PPP4R4: variants seen among roughly 807,000 people sequenced by gnomAD.
PPP4R4 encodes the protein serine/threonine-protein phosphatase 4 regulatory subunit 4.
A neutral mutation model predicts 121.8 loss-of-function variants in PPP4R4; 70 were observed. That is an observed-to-expected ratio of 0.57 (90% CI 0.47 to 0.70). The LOEUF (loss-of-function observed/expected upper bound fraction) is 0.70. Ranked by LOEUF, PPP4R4 falls within the 30% of genes least tolerant of loss-of-function variation. The pLI, the probability that PPP4R4 is intolerant of heterozygous loss-of-function variation, is 0.00. For missense variants in PPP4R4, 875 were observed against 1,033.6 expected (o/e 0.85, Z 2.10); for synonymous variants, 348 against 355.7 (o/e 0.98, Z 0.24).
intron 23 of PPP4R4, among the ~76,000 whole-genome samples, chr14:94,271,294 A>G (rs181127116): frequency 1.3e-5 from 2 of 152,328 alleles, no homozygotes; most frequent in African/African-American, 4.8e-5. Flanking sequence ...ATCCAACAAT[A>G]TATAAAAAGA....
chr14:94,196,402 C>T lies in PPP4R4; in HGVS notation c.192-12062C>T, dbSNP rs561655013. 3.0e-3 allele frequency among the ~76,000 whole-genome samples: 455 copies of T among 150,422 alleles called. 2 individuals carry two copies. The highest frequency in any genetic ancestry group is 0.011 in the African/African-American group (434 of 40,964). On this transcript the variant is annotated intron_variant, in intron 2 of 24. Transcript: ENST00000304338. ...ATCTTGGCTCACTGCAACCTCCACC[C>T]GCCAGGTTCAAGTGATTCCTCCTGC...
chr14:94,215,072 TG>T lies in PPP4R4; in HGVS notation c.294+6508del, dbSNP rs1446916272. 2.0e-5 allele frequency among the ~76,000 whole-genome samples: 3 copies of T among 152,308 alleles called. No individual in the cohort carries two copies. In the East Asian group the frequency reaches 5.8e-4, roughly 29 times the overall value. ...AAACATTCAAAATCTGAAACACTTC[TG>T]GTTACAAGCATTTGGGATAAGGGAT... On this transcript the variant is annotated intron_variant, in intron 3 of 24. Transcript: ENST00000304338.
intron 3 of PPP4R4, among the ~76,000 whole-genome samples, chr14:94,215,524 A>G (rs75066748): frequency 0.019 from 2,922 of 152,300 alleles, 92 homozygotes; most frequent in African/African-American, 0.066. Flanking sequence ...TTCTTTAGAC[A>G]GGCTAAACAT....
At chr14:94,205,392 G>A (rs1365620994) in intron 2 of PPP4R4, among the ~76,000 whole-genome samples, 8 of 151,876 alleles carry the variant, frequency 5.3e-5, no homozygotes, top group Non-Finnish European at 8.8e-5. Flanking sequence ...GATACCTACC[G>A]TTTCAATCCT....
rs563814872 is a variant in PPP4R4, at chr14:94,212,051, A to C, written c.294+3485A>C. On this transcript the variant is annotated intron_variant, in intron 3 of 24. Coordinates refer to ENST00000304338, the MANE Select transcript of PPP4R4 (RefSeq NM_058237.2). ...TTTATGCAAGAAGTTAATCAATACCAAGATTTTTACCACATTTATAACAGT... is the reference window on the plus strand; with the variant it reads ...TTTATGCAAGAAGTTAATCAATACCCAGATTTTTACCACATTTATAACAGT... Among the ~76,000 whole-genome samples the C allele has an allele frequency of 6.5e-4, 99 of 152,350 alleles. 1 individual carries two copies. The highest frequency in any genetic ancestry group is 5.8e-4 in the East Asian group (3 of 5,196).
Position 94,233,696 on chromosome 14 carries a change from T to C in PPP4R4, c.560T>C (p.Val187Ala). The C allele has an allele frequency of 6.2e-7, 1 of 1,606,516 alleles. No individual in the cohort carries two copies. Among genetic ancestry groups the C allele is most frequent in the Non-Finnish European group, 8.5e-7 (1 of 1,174,824 alleles). Residue 187 changes from valine (V) to alanine (A), a missense_variant, in exon 6 of 25, where the codon GTC (valine) becomes GCC (alanine). Physicochemically the swap from Val to Ala is moderately conservative, Grantham distance 64. Coordinates refer to ENST00000304338, the MANE Select transcript of PPP4R4 (RefSeq NM_058237.2). Reference sequence around the variant, plus strand: ...TCCAAGGCACAACTTTCCCAAACAGTCCAGTCTCGTTTAGTTAGTTGTAAA... The same window carrying C: ...TCCAAGGCACAACTTTCCCAAACAGCCCAGTCTCGTTTAGTTAGTTGTAAA... The part of the protein sequence containing the change: ...LVSKAQLSQT[V>A]QSRLVSCKIL...
Position 94,222,189 on chromosome 14 carries a change from A to G in PPP4R4, c.295-8398A>G, listed in dbSNP as rs371704092. ...ATGTAATTGCATAGGTCATCTTACA[A>G]TTTGCTTTTTCTTTTTGCCAACTGC... On this transcript the variant is annotated intron_variant, in intron 3 of 24. Transcript: ENST00000304338. 6.6e-5 allele frequency among the ~76,000 whole-genome samples: 10 copies of G among 151,908 alleles called. No individual in the cohort carries two copies. The East Asian group carries it at 1.7e-3, about 26-fold the overall frequency.
chr14:94,205,233 G>A (rs1247375571), intron 2 of PPP4R4, among the ~76,000 whole-genome samples: 1 of 152,062 alleles, frequency 6.6e-6, no homozygotes, highest in African/African-American at 2.4e-5. Flanking sequence ...AATAGTTGTA[G>A]GAGCATTCAG....
chr14:94,263,428 C>G (rs1276633610), intron 19 of PPP4R4, among the ~76,000 whole-genome samples: 3 of 152,052 alleles, frequency 2.0e-5, no homozygotes, highest in Non-Finnish European at 4.4e-5. Context: ...TTTTTTATTT[C>G]CAATATTATA....
intron 3 of PPP4R4, chr14:94,227,926 G>A: frequency 2.1e-6 from 2 of 956,508 alleles, no homozygotes; most frequent in Non-Finnish European, 2.5e-6. Flanking sequence ...TGGAAGAAAT[G>A]TTTCTTTTGG....
In PPP4R4 at chr14:94,174,369, A is replaced by C. The variant is rs1342620980; in HGVS notation, c.-97A>C. 2 of 1,118,170 alleles carry C rather than the reference A, an allele frequency of 1.8e-6. No homozygotes were observed. Among genetic ancestry groups the C allele is most frequent in the African/African-American group, 1.8e-5 (1 of 54,456 alleles). The allele number at this position is 1,118,170 out of a possible 1,614,324, so 69.3% of individuals were successfully genotyped here. A position where few individuals can be genotyped will look rare whatever the true frequency, so the allele number is the denominator to read the frequency against. On this transcript the variant is annotated 5_prime_UTR_variant, in exon 1 of 25. Transcript: ENST00000304338. ...CTCACGCTCGGCTCCAGCGGCCAAG[A>C]GCCGGAGAAAGTCCTGCTGGTGGGC... is the stretch of plus-strand genomic sequence containing the variant.
rs114610604 is a variant in PPP4R4, at chr14:94,274,098, G to A, written c.2450-1276G>A. ...TCCCACTTATAAGTGAAAACAGGCA[G>A]TATCTGACTTTCCGTTCCTGTGAAT... is the stretch of plus-strand genomic sequence containing the variant. On this transcript the variant is annotated intron_variant, in intron 23 of 24. Coordinates refer to ENST00000304338, the MANE Select transcript of PPP4R4 (RefSeq NM_058237.2). Among the ~76,000 whole-genome samples the A allele has an allele frequency of 1.5e-3, 226 of 152,154 alleles. 1 individual carries two copies. Among genetic ancestry groups the A allele is most frequent in the African/African-American group, 5.3e-3 (219 of 41,534 alleles).
chr14:94,227,362 G>C, intron 3 of PPP4R4: 4 of 1,611,544 alleles, frequency 2.5e-6, no homozygotes, highest in Non-Finnish European at 3.4e-6. Flanking sequence ...TGACTCTGTG[G>C]AGGAGAACAC....
intron 24 of PPP4R4, 22 bp downstream of exon 24, chr14:94,275,543 G>A (rs1894590903): frequency 6.2e-7 from 1 of 1,612,718 alleles, no homozygotes; most frequent in East Asian, 2.2e-5. Flanking sequence ...AGTGATGTCA[G>A]ACTGAGTGTA....
intron 12 of PPP4R4, among the ~76,000 whole-genome samples, chr14:94,244,926 A>G (rs1216900781): frequency 6.6e-6 from 1 of 152,156 alleles, no homozygotes; most frequent in Non-Finnish European, 1.5e-5. Context: ...AAAACTTAGT[A>G]TATGTATATT....
chr14:94,218,780 C>T (rs2139486071), intron 3 of PPP4R4, among the ~76,000 whole-genome samples: 1 of 152,108 alleles, frequency 6.6e-6, no homozygotes, highest in Non-Finnish European at 1.5e-5. Context: ...CTAGATACCT[C>T]ATAAACTGCT....
At chr14:94,200,721 C>T (rs190572384) in intron 2 of PPP4R4, among the ~76,000 whole-genome samples, 2 of 151,442 alleles carry the variant, frequency 1.3e-5, no homozygotes, top group East Asian at 3.9e-4. Context: ...TGGATCTTCT[C>T]TCTTCTTGGT....
At chr14:94,267,286 A>G (rs1386839567) in intron 23 of PPP4R4, among the ~76,000 whole-genome samples, 1 of 152,218 alleles carries the variant, frequency 6.6e-6, no homozygotes, top group East Asian at 1.9e-4. Context: ...ATGTTTTGCC[A>G]TACTGGGAAG....
rs183486087 is a variant in PPP4R4, at chr14:94,261,059, T to C, written c.2127+1690T>C. 2.3e-3 allele frequency among the ~76,000 whole-genome samples: 343 copies of C among 152,280 alleles called. 1 individual carries two copies. The highest frequency in any genetic ancestry group is 7.9e-3 in the African/African-American group (329 of 41,576). On this transcript the variant is annotated intron_variant, in intron 19 of 24. Transcript: ENST00000304338. ...TTGTTAAAAAGCCTTCTTTTCCCCATTGAATTGTCTTAGCGTCCTTAAGAA... is the reference window on the plus strand; with the variant it reads ...TTGTTAAAAAGCCTTCTTTTCCCCACTGAATTGTCTTAGCGTCCTTAAGAA...
Sources: allele counts gnomAD v4.1 joint callset (sites outside exome capture counted in the v4.1 genomes callset), GRCh38; gene constraint gnomAD v4.1.1; transcripts MANE v1.5; gene names NCBI Gene and HGNC (gene_info 2026-07-23, HGNC 2026-07-21).